Variants in SYNE2 observed in about 807,000 individuals in gnomAD.
The protein encoded by SYNE2 is spectrin repeat containing nuclear envelope protein 2.
SYNE2 carries 431 observed loss-of-function variants against 856.3 expected under a neutral mutation model. The ratio of observed to expected loss-of-function variants is 0.50; its 90% CI spans 0.47 to 0.55. SYNE2 has a LOEUF of 0.55. SYNE2 is among the 20% of genes least tolerant of loss of function. SYNE2 has a pLI of 0.00. For synonymous variants in SYNE2, 2,923 were observed against 2,872.3 expected (o/e 1.02, Z -0.56); for missense variants, 8,129 against 8,023.2 (o/e 1.01, Z -0.50).
At chr14:63,881,390 A>G (rs1207672405) in intron 1 of SYNE2, among the ~76,000 whole-genome samples, 4 of 151,610 alleles carry the variant, frequency 2.6e-5, no homozygotes, top group South Asian at 2.1e-4. Context: ...GGCCAGGCAC[A>G]GTGGCTTACG....
chr14:63,868,474 TAAA>T (rs570492284), intron 1 of SYNE2, among the ~76,000 whole-genome samples: 7 of 138,298 alleles, frequency 5.1e-5, no homozygotes, highest in Admixed American at 1.5e-4. Context: ...GACCCTGCCT[TAAA>T]AAAAAAAAAA....
chr14:64,150,321 A>C (rs111235500), intron 84 of SYNE2, among the ~76,000 whole-genome samples: 2 of 119,418 alleles, frequency 1.7e-5, no homozygotes, highest in Non-Finnish European at 3.4e-5. Flanking sequence ...AAAAAAAAAA[A>C]GGATCCTCCC....
intron 50 of SYNE2, 100 bp from the exon 51 acceptor site, chr14:64,065,332 A>C: frequency 9.6e-7 from 1 of 1,041,860 alleles, no homozygotes; most frequent in Non-Finnish European, 1.4e-6. Flanking sequence ...TACTTATGGA[A>C]GATTGAAATA....
chr14:64,000,741 A>G lies in SYNE2; in HGVS notation c.3638+22A>G, dbSNP rs2096747740. 3.7e-6 allele frequency: 6 copies of G among 1,600,558 alleles called. No homozygotes were observed. In the South Asian group the frequency reaches 4.4e-5, roughly 12 times the overall value. On this transcript the variant is annotated intron_variant, in intron 28 of 115. Transcript: ENST00000555002. ...CCAGGTAAAATTCTGAGATCTATTAACTATGAATCTAATAAACTCACTAAA... is the reference window on the plus strand; with the variant it reads ...CCAGGTAAAATTCTGAGATCTATTAGCTATGAATCTAATAAACTCACTAAA...
At chr14:64,065,079 G>T (rs1361292761) in intron 50 of SYNE2, among the ~76,000 whole-genome samples, 1 of 151,914 alleles carries the variant, frequency 6.6e-6, no homozygotes, top group African/African-American at 2.4e-5. Flanking sequence ...TGGCCAGGAT[G>T]GTCTCGATCT....
intron 1 of SYNE2, among the ~76,000 whole-genome samples, chr14:63,765,071 G>A (rs186703189): frequency 2.0e-5 from 3 of 152,278 alleles, no homozygotes; most frequent in South Asian, 2.1e-4. Context: ...AGGAGCAGGA[G>A]CCCCTGAGGA....
chr14:64,146,996 G>T (rs772420162), intron 84 of SYNE2, among the ~76,000 whole-genome samples: 4 of 152,148 alleles, frequency 2.6e-5, no homozygotes, highest in African/African-American at 9.7e-5. Flanking sequence ...TCACCTGCTC[G>T]TATACTGTTC....
chr14:64,141,507 A>G lies in SYNE2; in HGVS notation c.15143A>G (p.Gln5048Arg). ...TMLITQLPDI[Q>R]EKLHQLQMEK... ...CTCATAACTCAACTTCCAGATATTC[A>G]AGAAAAACTTCACCAGGTAAGTCTT... Residue 5048 changes from glutamine to arginine, a missense_variant, in exon 81 of 116, where the codon CAA (glutamine) becomes CGA (arginine). By Grantham distance (43) the Gln-to-Arg change is conservative. This residue lies in a region of SYNE2 where 5,410 missense variants were observed against 5,284.8 expected (regional missense o/e 1.02). Transcript: ENST00000555002. The G allele has an allele frequency of 6.2e-7, 1 of 1,614,008 alleles. No homozygotes were observed. Among genetic ancestry groups the G allele is most frequent in the South Asian group, 1.1e-5 (1 of 91,066 alleles).
chr14:63,776,843 C>T (rs1339073285), intron 1 of SYNE2, among the ~76,000 whole-genome samples: 2 of 152,092 alleles, frequency 1.3e-5, no homozygotes, highest in African/African-American at 2.4e-5. Context: ...TCAAGTGATC[C>T]GCCCACCTTG....
intron 45 of SYNE2, among the ~76,000 whole-genome samples, chr14:64,035,918 A>T (rs1467142975): frequency 6.9e-6 from 1 of 145,650 alleles, no homozygotes; most frequent in Non-Finnish European, 1.5e-5. Context: ...TGCCCAGGGT[A>T]GTCTTGAAGT....
At position 64,001,982 on chromosome 14, in the gene SYNE2, G is replaced by C; in HGVS notation, c.3687G>C (p.Lys1229Asn). The C allele has an allele frequency of 6.2e-7, 1 of 1,614,118 alleles. No homozygotes were observed. The highest frequency in any genetic ancestry group is 8.5e-7 in the Non-Finnish European group (1 of 1,179,994). Reference protein sequence around the residue: ...TALRLVLPVEKASLLLCGSDL... With the variant: ...TALRLVLPVENASLLLCGSDL... The stretch of plus-strand genomic sequence containing the variant: ...TGCGGCTTGTGTTACCTGTAGAGAA[G>C]GCATCACTTCTTCTCTGTGGCTCGG... The change falls in exon 29 of 116, where the codon AAG (lysine) becomes AAC (asparagine). Residue 1229 changes from lysine (K) to asparagine (N), a missense_variant. Lys to Asn is a moderately conservative substitution (Grantham distance 94). Around this residue, in one of 3 missense-constraint regions of SYNE2, gnomAD observed 2,422 missense variants for 2,357.4 expected, o/e 1.03. Transcript: ENST00000555002.
rs1567596583 is a variant in SYNE2 at position 64,190,066 on chromosome 14, G to T, written c.17872-5G>T. ...CCAGGCTTTATGTTTTGGTGCCTTTGCCAGGACTGCATGGAAGAAATAAAC... is the reference window on the plus strand; with the variant it reads ...CCAGGCTTTATGTTTTGGTGCCTTTTCCAGGACTGCATGGAAGAAATAAAC... On this transcript the variant is annotated splice_region_variant and splice_polypyrimidine_tract_variant and intron_variant, in intron 98 of 115. Coordinates refer to ENST00000555002, the MANE Select transcript of SYNE2 (RefSeq NM_182914.3). The T allele has an allele frequency of 6.2e-7, 1 of 1,613,090 alleles. No homozygotes were observed. Among genetic ancestry groups the T allele is most frequent in the Non-Finnish European group, 8.5e-7 (1 of 1,179,828 alleles).
rs750524738 is a variant in SYNE2 at position 64,165,359 on chromosome 14, G to T, written c.16554G>T (p.Glu5518Asp). 2.5e-6 allele frequency: 4 copies of T among 1,613,906 alleles called. No homozygotes were observed. The highest frequency in any genetic ancestry group is 3.4e-6 in the Non-Finnish European group (4 of 1,179,888). The change falls in exon 90 of 116, where the codon GAG (glutamate) becomes GAT (aspartate). Residue 5518 changes from glutamate to aspartate, a missense_variant. Physicochemically the swap from Glu to Asp is conservative, Grantham distance 45 (BLOSUM62 2). Around this residue, in one of 3 missense-constraint regions of SYNE2, gnomAD observed 5,410 missense variants for 5,284.8 expected, o/e 1.02. Transcript: ENST00000555002. ...SLKGLIMHEE[E>D]NLDRLHQQEK... ...AAGGTCTTATTATGCATGAAGAAGA[G>T]AATTTGGATAGACTTCACCAACAGG...
chr14:63,979,639 G>A (rs769875985), intron 14 of SYNE2, among the ~76,000 whole-genome samples: 9 of 152,224 alleles, frequency 5.9e-5, no homozygotes, highest in Admixed American at 1.3e-4. Flanking sequence ...GGGGCTGGGC[G>A]CGGTGGCGCA....
chr14:64,177,987 A>T (rs2098442269), intron 96 of SYNE2, among the ~76,000 whole-genome samples: 1 of 152,206 alleles, frequency 6.6e-6, no homozygotes, highest in African/African-American at 2.4e-5. Flanking sequence ...CCTTTGCTGG[A>T]GACAAGGCAA....
At chr14:63,990,648 G>A in intron 20 of SYNE2, 79 bp downstream of exon 20, 2 of 1,247,460 alleles carry the variant, frequency 1.6e-6, no homozygotes, top group Non-Finnish European at 2.4e-6. Context: ...GAAGGGGGGT[G>A]ATAGCCCTGT....
chr14:64,001,399 T>C (rs567547338), intron 28 of SYNE2, among the ~76,000 whole-genome samples: 9 of 152,282 alleles, frequency 5.9e-5, no homozygotes. Context: ...TAAGAATACT[T>C]TGGGGCCAGG....
intron 16 of SYNE2, 85 bp from the exon 17 acceptor site, chr14:63,982,545 A>G: frequency 2.1e-6 from 3 of 1,403,574 alleles, no homozygotes; most frequent in East Asian, 2.3e-5. Context: ...AAAGAAAAGA[A>G]AAAAGCCTTG....
intron 1 of SYNE2, among the ~76,000 whole-genome samples, chr14:63,821,963 G>A (rs1889233209): frequency 6.6e-6 from 1 of 152,190 alleles, no homozygotes; most frequent in East Asian, 1.9e-4. Context: ...GGCTGAGGCA[G>A]GCACATCACT....
Sources: gnomAD v4.1 joint callset for allele counts (sites outside exome capture counted in the v4.1 genomes callset) on GRCh38, gnomAD v4.1.1 for gene constraint, gnomAD v4.1.1 regional missense constraint, MANE v1.5 for transcripts, NCBI Gene and HGNC (gene_info 2026-07-23, HGNC 2026-07-21) for gene names.